HS6ST3: variants seen among roughly 807,000 people sequenced by gnomAD.
HS6ST3 encodes heparan-sulfate 6-O-sulfotransferase 3.
In HS6ST3, 12 loss-of-function variants were observed where a neutral mutation model predicts 36.7. That is an observed-to-expected ratio of 0.33 (90% CI 0.21 to 0.53). The LOEUF (loss-of-function observed/expected upper bound fraction) is 0.53. HS6ST3 is among the 20% of genes least tolerant of loss of function. HS6ST3 has a pLI of 0.95. For synonymous variants in HS6ST3, 240 were observed against 257.5 expected (o/e 0.93, Z 0.65); for missense variants, 584 against 640.9 (o/e 0.91, Z 0.96).
chr13:96,806,295 C>G (rs1265121228), intron 1 of HS6ST3, among the ~76,000 whole-genome samples: 1 of 152,190 alleles, frequency 6.6e-6, no homozygotes, highest in Non-Finnish European at 1.5e-5. Context: ...TATATTCATG[C>G]TCTCATAGAA....
chr13:96,326,278 T>C (rs2055030993), intron 1 of HS6ST3, among the ~76,000 whole-genome samples: 1 of 151,150 alleles, frequency 6.6e-6, no homozygotes, highest in African/African-American at 2.4e-5. Context: ...CTGCACCCAT[T>C]AACTCGTCAT....
intron 1 of HS6ST3, among the ~76,000 whole-genome samples, chr13:96,716,598 A>T (rs749086709): frequency 6.6e-6 from 1 of 152,154 alleles, no homozygotes; most frequent in Non-Finnish European, 1.5e-5. Context: ...ATGATCTATT[A>T]TCTATGATCT....
chr13:96,822,623 G>A (rs560110525), intron 1 of HS6ST3, among the ~76,000 whole-genome samples: 31 of 152,272 alleles, frequency 2.0e-4, no homozygotes, highest in South Asian at 1.5e-3. Context: ...TCTCCCTCTA[G>A]GGAAGCAGGG....
intron 1 of HS6ST3, among the ~76,000 whole-genome samples, chr13:96,192,271 T>C (rs1166867218): frequency 6.6e-6 from 1 of 152,214 alleles, no homozygotes; most frequent in Non-Finnish European, 1.5e-5. Context: ...TGACCAAATA[T>C]GATAATTTTT....
intron 1 of HS6ST3, among the ~76,000 whole-genome samples, chr13:96,520,335 C>G (rs2056088161): frequency 2.6e-5 from 4 of 151,992 alleles, no homozygotes; most frequent in East Asian, 1.9e-4. Context: ...CTTGGCTATG[C>G]GGGCTCTGTT....
intron 1 of HS6ST3, among the ~76,000 whole-genome samples, chr13:96,109,637 G>T (rs765134559): frequency 2.0e-5 from 3 of 152,128 alleles, no homozygotes; most frequent in African/African-American, 4.8e-5. Flanking sequence ...AAAATAAGTT[G>T]CACTGGTGTT....
chr13:96,336,584 G>A (rs1451192781), intron 1 of HS6ST3, among the ~76,000 whole-genome samples: 3 of 152,154 alleles, frequency 2.0e-5, no homozygotes, highest in Admixed American at 2.0e-4. Flanking sequence ...ACCAGAAGAA[G>A]ATAGCCATCT....
chr13:96,706,153 G>T (rs1319946541), intron 1 of HS6ST3, among the ~76,000 whole-genome samples: 1 of 151,740 alleles, frequency 6.6e-6, no homozygotes, highest in Non-Finnish European at 1.5e-5. Context: ...TATTTTTTAA[G>T]ATACATCTGT....
At position 96,304,236 on chromosome 13, in the gene HS6ST3, C is replaced by T. The variant is rs540271373; in HGVS notation, c.707+212667C>T. ...CAGATTCTGTTTTGATTGGCCCTCA[C>T]GTTACTAGGTTAGTCATTGATTATT... On this transcript the variant is annotated intron_variant, in intron 1 of 1. Coordinates refer to ENST00000376705, the MANE Select transcript of HS6ST3 (RefSeq NM_153456.4). 2.1e-4 allele frequency among the ~76,000 whole-genome samples: 32 copies of T among 152,042 alleles called. 1 individual carries two copies. In the South Asian group the frequency reaches 6.0e-3, roughly 29 times the overall value.
At chr13:96,181,114 T>C (rs1474456398) in intron 1 of HS6ST3, among the ~76,000 whole-genome samples, 1 of 152,242 alleles carries the variant, frequency 6.6e-6, no homozygotes, top group Non-Finnish European at 1.5e-5. Flanking sequence ...TTACTCTGCA[T>C]GTAGTAGAGA....
intron 1 of HS6ST3, among the ~76,000 whole-genome samples, chr13:96,826,162 G>T (rs1310232331): frequency 2.0e-5 from 3 of 152,106 alleles, no homozygotes; most frequent in African/African-American, 7.2e-5. Context: ...CTAATTACTT[G>T]TTGTATAAAA....
At chr13:96,162,025 C>A (rs2054137982) in intron 1 of HS6ST3, among the ~76,000 whole-genome samples, 2 of 151,940 alleles carry the variant, frequency 1.3e-5, no homozygotes, top group South Asian at 4.2e-4. Context: ...TTATGAAGAA[C>A]CTACTTAAAG....
intron 1 of HS6ST3, among the ~76,000 whole-genome samples, chr13:96,814,853 G>A (rs1419719963): frequency 4.6e-5 from 7 of 152,162 alleles, no homozygotes; most frequent in African/African-American, 1.7e-4. Flanking sequence ...TGGTTTAATA[G>A]ATCACATAAT....
At chr13:96,312,418 A>G (rs1307875600) in intron 1 of HS6ST3, among the ~76,000 whole-genome samples, 1 of 152,140 alleles carries the variant, frequency 6.6e-6, no homozygotes, top group East Asian at 1.9e-4. Context: ...CTTTTGTAAT[A>G]TGTACATATT....
At chr13:96,203,773 T>A (rs1454628519) in intron 1 of HS6ST3, among the ~76,000 whole-genome samples, 1 of 152,100 alleles carries the variant, frequency 6.6e-6, no homozygotes, top group Non-Finnish European at 1.5e-5. Flanking sequence ...GGGTTCAAAG[T>A]GGGTTCAAAT....
chr13:96,750,325 T>G (rs1189176346), intron 1 of HS6ST3, among the ~76,000 whole-genome samples: 14 of 152,202 alleles, frequency 9.2e-5, no homozygotes, highest in Non-Finnish European at 1.9e-4. Flanking sequence ...AAACGTGATA[T>G]TACATGTGGC....
intron 1 of HS6ST3, among the ~76,000 whole-genome samples, chr13:96,411,908 T>C (rs1047518748): frequency 6.6e-6 from 1 of 152,100 alleles, no homozygotes; most frequent in Non-Finnish European, 1.5e-5. Flanking sequence ...ACCAGGGGAA[T>C]GAGGAAGCAC....
At chr13:96,373,886 A>G (rs543102857) in intron 1 of HS6ST3, among the ~76,000 whole-genome samples, 90 of 152,278 alleles carry the variant, frequency 5.9e-4, no homozygotes, top group African/African-American at 1.7e-3. Flanking sequence ...CCAAGTTGCA[A>G]TTATCTTATT....
Position 96,200,146 on chromosome 13 carries a change from C to A in HS6ST3, c.707+108577C>A, listed in dbSNP as rs76976040. Among the ~76,000 whole-genome samples the A allele has an allele frequency of 4.1e-3, 630 of 152,284 alleles. 2 individuals carry two copies. Among genetic ancestry groups the A allele is most frequent in the Middle Eastern group, 0.024 (7 of 294 alleles). Reference sequence around the variant, plus strand: ...CATTCAGCTGTGTGCCCCAATATTTCAAAAATGTCTGGCATAGTTGGAGGT... The same window carrying A: ...CATTCAGCTGTGTGCCCCAATATTTAAAAAATGTCTGGCATAGTTGGAGGT... On this transcript the variant is annotated intron_variant, in intron 1 of 1. Transcript: ENST00000376705.
Sources: allele counts gnomAD v4.1 joint callset (sites outside exome capture counted in the v4.1 genomes callset), GRCh38; gene constraint gnomAD v4.1.1; transcripts MANE v1.5; gene names NCBI Gene and HGNC (gene_info 2026-07-23, HGNC 2026-07-21).